The following CCSER1 variants were observed in gnomAD, a reference collection of about 807,000 sequenced individuals.
The protein encoded by CCSER1 is serine-rich coiled-coil domain-containing protein 1.
Under a neutral mutation model 82.0 loss-of-function variants are expected in CCSER1, and 41 were observed. The observed-to-expected ratio is 0.50, with a 90% CI of 0.39 to 0.65. The LOEUF (loss-of-function observed/expected upper bound fraction) is 0.65, where lower values mean the gene tolerates loss of function less well. CCSER1 is among the 30% of genes least tolerant of loss of function. The pLI is 0.00. For missense variants in CCSER1, 1,119 were observed against 1,064.2 expected (o/e 1.05, Z -0.72); for synonymous variants, 414 against 383.9 (o/e 1.08, Z -0.92).
intron 10 of CCSER1, among the ~76,000 whole-genome samples, chr4:91,491,636 C>CT (rs1374482208): frequency 6.6e-6 from 1 of 152,040 alleles, no homozygotes; most frequent in Non-Finnish European, 1.5e-5. Flanking sequence ...TACCTTATCT[C>CT]TTTTTCTAAA....
chr4:90,282,805 GAGGACCTT>G (rs1381173070), intron 1 of CCSER1, among the ~76,000 whole-genome samples: 1 of 151,880 alleles, frequency 6.6e-6, no homozygotes, highest in Admixed American at 6.6e-5. Flanking sequence ...ATCATTTATG[GAGGACCTT>G]TATTGGTCAC....
At chr4:90,619,679 G>T (rs1226347442) in intron 5 of CCSER1, among the ~76,000 whole-genome samples, 6 of 151,938 alleles carry the variant, frequency 3.9e-5, no homozygotes, top group Non-Finnish European at 8.8e-5. Flanking sequence ...ATGATTACAG[G>T]CATACAATAC....
intron 3 of CCSER1, among the ~76,000 whole-genome samples, chr4:90,314,783 T>A (rs1327319407): frequency 4.2e-5 from 6 of 142,864 alleles, no homozygotes; most frequent in African/African-American, 7.6e-5. Flanking sequence ...AATAAATAAA[T>A]AAAATGTAAA....
chr4:90,934,072 A>G (rs1024754811), intron 9 of CCSER1, among the ~76,000 whole-genome samples: 3 of 151,862 alleles, frequency 2.0e-5, no homozygotes, highest in African/African-American at 7.2e-5. Context: ...GTACCAAATA[A>G]TATTTTCATA....
chr4:90,674,667 C>T (rs1174925279), intron 6 of CCSER1, among the ~76,000 whole-genome samples: 2 of 151,824 alleles, frequency 1.3e-5, no homozygotes, highest in Non-Finnish European at 2.9e-5. Context: ...CACAGATAGT[C>T]TCTAGGTTGT....
intron 10 of CCSER1, among the ~76,000 whole-genome samples, chr4:91,382,790 T>G (rs1037638389): frequency 6.6e-6 from 1 of 152,146 alleles, no homozygotes; most frequent in African/African-American, 2.4e-5. Context: ...ACCCGTCTTC[T>G]GCGTCGCTCA....
chr4:90,495,811 T>C (rs1768900837), intron 5 of CCSER1, among the ~76,000 whole-genome samples: 1 of 152,140 alleles, frequency 6.6e-6, no homozygotes, highest in Non-Finnish European at 1.5e-5. Context: ...AGATTATAAA[T>C]AGATATTTCT....
intron 1 of CCSER1, among the ~76,000 whole-genome samples, chr4:90,255,885 A>G (rs1262770378): frequency 6.6e-6 from 1 of 152,152 alleles, no homozygotes; most frequent in South Asian, 2.1e-4. Flanking sequence ...ATAGGTAGGA[A>G]CTTGTCATTC....
intron 10 of CCSER1, among the ~76,000 whole-genome samples, chr4:91,161,185 T>C (rs1731357283): frequency 6.6e-6 from 1 of 152,178 alleles, no homozygotes; most frequent in Non-Finnish European, 1.5e-5. Context: ...CTTCTTTTTG[T>C]CAGATTTGTC....
At chr4:91,554,781 A>T (rs184842576) in intron 10 of CCSER1, among the ~76,000 whole-genome samples, 1 of 151,456 alleles carries the variant, frequency 6.6e-6, no homozygotes, top group Non-Finnish European at 1.5e-5. Context: ...TGATTTTAGA[A>T]TATATCCTAA....
intron 9 of CCSER1, among the ~76,000 whole-genome samples, chr4:91,075,432 A>T (rs1721877764): frequency 6.6e-6 from 1 of 152,138 alleles, no homozygotes; most frequent in Non-Finnish European, 1.5e-5. Flanking sequence ...TGCTTTGCTC[A>T]AGACATGCTA....
At chr4:91,069,865 A>G (rs888407883) in intron 9 of CCSER1, among the ~76,000 whole-genome samples, 3 of 152,222 alleles carry the variant, frequency 2.0e-5, no homozygotes, top group African/African-American at 7.2e-5. Flanking sequence ...GAAAAGATTC[A>G]GAAACCCATT....
intron 1 of CCSER1, among the ~76,000 whole-genome samples, chr4:90,282,257 G>A (rs1350140696): frequency 2.0e-5 from 3 of 151,802 alleles, no homozygotes; most frequent in Non-Finnish European, 2.9e-5. Flanking sequence ...ATTTTTAACT[G>A]CACTTGGTTT....
At chr4:90,566,658 A>G (rs962177922) in intron 5 of CCSER1, among the ~76,000 whole-genome samples, 4 of 148,192 alleles carry the variant, frequency 2.7e-5, no homozygotes, top group Non-Finnish European at 5.9e-5. Context: ...GCTGGAGTGC[A>G]GTGGCGCAAT....
At chr4:90,848,721 C>A (rs1405022755) in intron 8 of CCSER1, among the ~76,000 whole-genome samples, 3 of 152,140 alleles carry the variant, frequency 2.0e-5, no homozygotes, top group African/African-American at 7.2e-5. Flanking sequence ...GTGTAATAAT[C>A]CCCACGTATC....
chr4:90,722,562 ATAAC>A (rs1054094200), intron 6 of CCSER1, among the ~76,000 whole-genome samples: 6 of 151,894 alleles, frequency 4.0e-5, no homozygotes, highest in African/African-American at 1.4e-4. Context: ...ATTAAAGTCA[ATAAC>A]TAACTCACTT....
intron 6 of CCSER1, among the ~76,000 whole-genome samples, chr4:90,661,388 G>T (rs1730745393): frequency 6.6e-6 from 1 of 152,108 alleles, no homozygotes; most frequent in African/African-American, 2.4e-5. Context: ...GTGTGCAGTT[G>T]CTTTTCTGAA....
Position 90,308,555 on chromosome 4 carries a change from A to G in CCSER1, c.271A>G (p.Asn91Asp). The change falls in exon 2 of 11, where the codon AAT becomes GAT. Residue 91 changes from asparagine to aspartate, a missense_variant. Asn to Asp is a conservative substitution (Grantham distance 23, BLOSUM62 1). Coordinates refer to ENST00000509176, the MANE Select transcript of CCSER1 (RefSeq NM_001145065.2). ...TACCAACCAGAACCTTAGTATTTCA[A>G]ATGGTGCTCAACCTGGTCACAGCAA... ...EPTNQNLSIS[N>D]GAQPGHSNMQ... 3 of 1,613,912 alleles carry G rather than the reference A, an allele frequency of 1.9e-6. No homozygotes were observed. Among genetic ancestry groups the G allele is most frequent in the Non-Finnish European group, 2.5e-6 (3 of 1,179,850 alleles).
At chr4:90,141,605 A>G (rs1370808417) in intron 1 of CCSER1, among the ~76,000 whole-genome samples, 3 of 152,220 alleles carry the variant, frequency 2.0e-5, no homozygotes, top group Non-Finnish European at 2.9e-5. Context: ...TAAAAAATGA[A>G]TGAGGAGACT....
Sources: allele counts gnomAD v4.1 joint callset (sites outside exome capture counted in the v4.1 genomes callset), GRCh38; gene constraint gnomAD v4.1.1; transcripts MANE v1.5; gene names NCBI Gene and HGNC (gene_info 2026-07-23, HGNC 2026-07-21).